The following COL6A5 variants were observed in gnomAD, a reference collection of about 807,000 sequenced individuals.
COL6A5 encodes collagen type VI alpha 5 chain.
In COL6A5, 48 loss-of-function variants were observed where a neutral mutation model predicts 65.6. The observed-to-expected ratio is 0.73, with a 90% confidence interval of 0.58 to 0.93. The LOEUF is 0.93. Ranked by LOEUF, COL6A5 falls within the 40% of genes least tolerant of loss-of-function variation. The pLI is 0.00. For synonymous variants in COL6A5, 291 were observed against 322.8 expected (o/e 0.90, Z 1.05); for missense variants, 914 against 928.3 (o/e 0.98, Z 0.20).
chr3:130,395,330 G>A, exon 8 of COL6A5: 1 of 1,551,066 alleles, frequency 6.4e-7, no homozygotes. Flanking sequence ...CATAGGAGAT[G>A]TTTATAAGGA....
chr3:130,442,353 TCAG>T (rs1414161646), intron 3 of COL6A5, among the ~76,000 whole-genome samples: 2 of 151,230 alleles, frequency 1.3e-5, no homozygotes, highest in African/African-American at 4.9e-5. Flanking sequence ...ACTTCTTGGC[TCAG>T]AGTCATTGGT....
At chr3:130,473,668 A>G (rs929806038) in intron 7 of COL6A5, among the ~76,000 whole-genome samples, 1 of 152,086 alleles carries the variant, frequency 6.6e-6, no homozygotes, top group Admixed American at 6.6e-5. Context: ...TGCCACCCAG[A>G]AGGAATGCTG....
exon 1 of COL6A5, chr3:130,345,746 C>T (rs886613854): frequency 1.5e-5 from 6 of 398,618 alleles, no homozygotes; most frequent in Non-Finnish European, 2.2e-5. Context: ...TCAGCGCCGG[C>T]TTAAAAGACC....
chr3:130,448,875 T>C (rs763992779), intron 4 of COL6A5, among the ~76,000 whole-genome samples: 4 of 152,172 alleles, frequency 2.6e-5, no homozygotes, highest in Admixed American at 1.3e-4. Flanking sequence ...TAAAGCAATA[T>C]GAAAACAGCA....
rs747107091 is a variant in COL6A5, at chr3:130,398,125, G to GTTT, written c.3991+16_3991+17insTTT. On this transcript the variant is annotated intron_variant and NMD_transcript_variant, in intron 10 of 41. Coordinates refer to the COL6A5 transcript ENST00000312481. ...TCAGAGAAGCAGGTATTGAGTTGTT[G>GTTT]TTGTTTTTTTTTTTTTTTTTTTTGA... is the stretch of plus-strand genomic sequence containing the variant. 1.3e-3 allele frequency: 1,342 copies of GTTT among 1,058,340 alleles called. 4 individuals are homozygous for GTTT. Among genetic ancestry groups the GTTT allele is most frequent in the East Asian group, 3.6e-3 (104 of 28,978 alleles). The allele number at this position is 1,058,340 out of a possible 1,614,324, so 65.6% of individuals were successfully genotyped here.
chr3:130,409,588 G>A (rs571664402), intron 18 of COL6A5, among the ~76,000 whole-genome samples, 200 bp downstream of exon 18: 1 of 152,300 alleles, frequency 6.6e-6, no homozygotes, highest in African/African-American at 2.4e-5. Context: ...CTTATGGTAC[G>A]CTGAGACTTT....
At chr3:130,397,794 C>T (rs776219442) in exon 9 of COL6A5, 3 of 1,551,534 alleles carry the variant, frequency 1.9e-6, no homozygotes, top group Non-Finnish European at 2.6e-6. Context: ...CTGCCAAGTT[C>T]CAAATCTATC....
At chr3:130,386,544 T>A (rs968286179) in intron 5 of COL6A5, among the ~76,000 whole-genome samples, 2 of 152,106 alleles carry the variant, frequency 1.3e-5, no homozygotes, top group Admixed American at 1.3e-4. Flanking sequence ...TGTTCATTTT[T>A]CTCCCTGTTA....
Position 130,413,542 on chromosome 3 carries a change from C to T in COL6A5, c.4663-3C>T, listed in dbSNP as rs1559888811. ...TACTAACAGTTTGCCTTTTCTGTCC[C>T]AGGGAAGAGAAGGTCAAAGGGGACT... On this transcript the variant is annotated splice_polypyrimidine_tract_variant and splice_region_variant and intron_variant and NMD_transcript_variant, in intron 20 of 41. Coordinates refer to the COL6A5 transcript ENST00000312481. 6.5e-7 allele frequency: 1 copy of T among 1,548,754 alleles called. No homozygotes were observed. The highest frequency in any genetic ancestry group is 2.0e-5 in the Admixed American group (1 of 50,904).
intron 1 of COL6A5, among the ~76,000 whole-genome samples, chr3:130,364,328 C>A (rs1559859194): frequency 6.6e-6 from 1 of 152,186 alleles, no homozygotes; most frequent in Non-Finnish European, 1.5e-5. Flanking sequence ...GCATTTCCCC[C>A]TAACCTACTA....
intron 1 of COL6A5, among the ~76,000 whole-genome samples, chr3:130,437,775 T>C (rs1033060399): frequency 9.2e-5 from 14 of 152,222 alleles, no homozygotes; most frequent in African/African-American, 2.9e-4. Flanking sequence ...GAAATTCTTT[T>C]CTCCATCTTC....
chr3:130,484,315 G>A (rs1468746881), exon 8 of COL6A5: 1 of 491,930 alleles, frequency 2.0e-6, no homozygotes, highest in Non-Finnish European at 3.6e-6. Context: ...ACCTATAAGA[G>A]TTAACTTTTC....
chr3:130,421,507 T>A, intron 27 of COL6A5, 147 bp downstream of exon 27: 1 of 733,030 alleles, frequency 1.4e-6, no homozygotes. Context: ...GAAAGAATCA[T>A]ATTTAACCCC....
intron 7 of COL6A5, among the ~76,000 whole-genome samples, 194 bp from the exon 40 acceptor site, chr3:130,471,488 C>T (rs371324014): frequency 7.9e-5 from 12 of 152,046 alleles, no homozygotes; most frequent in Admixed American, 3.9e-4. Context: ...TTCTAAACTG[C>T]GGAGACAAAT....
At chr3:130,440,358 G>C (rs764568293) in exon 3 of COL6A5, 1 of 1,613,432 alleles carries the variant, frequency 6.2e-7, no homozygotes, top group Non-Finnish European at 8.5e-7. Flanking sequence ...TCTGGTGATA[G>C]GATTGCTTTG....
At chr3:130,379,888 C>T (rs548441722) in exon 4 of COL6A5, 13 of 1,551,278 alleles carry the variant, frequency 8.4e-6, no homozygotes, top group Admixed American at 3.9e-5. Flanking sequence ...TAACAATACC[C>T]AGTTAGAAGA....
intron 19 of COL6A5, 35 bp downstream of exon 19, chr3:130,410,109 TTC>T: frequency 1.4e-6 from 2 of 1,426,022 alleles, no homozygotes; most frequent in Non-Finnish European, 1.9e-6. Flanking sequence ...AGTTGATTAA[TTC>T]TGTTATTGAT....
At chr3:130,476,046 A>G (rs57032488) in intron 7 of COL6A5, among the ~76,000 whole-genome samples, 4,510 of 152,162 alleles carry the variant, frequency 0.03, 93 homozygotes, top group South Asian at 0.053. Context: ...GAGGAGGTAT[A>G]TTAGTTTGCT....
chr3:130,354,918 A>T (rs961767934), intron 1 of COL6A5, among the ~76,000 whole-genome samples: 2 of 152,236 alleles, frequency 1.3e-5, no homozygotes, highest in African/African-American at 4.8e-5. Context: ...AGTAAAATAC[A>T]CAGCAGATTT....
Sources: allele counts gnomAD v4.1 joint callset (sites outside exome capture counted in the v4.1 genomes callset), GRCh38; gene constraint gnomAD v4.1.1; transcripts MANE v1.5; gene names NCBI Gene and HGNC (gene_info 2026-07-23, HGNC 2026-07-21).